Variants in GSE1 observed in about 807,000 individuals in gnomAD.
GSE1 encodes genetic suppressor element 1.
GSE1 carries 32 observed loss-of-function variants against 112.6 expected under a neutral mutation model. The ratio of observed to expected loss-of-function variants is 0.28; its 90% confidence interval spans 0.21 to 0.38. GSE1 has a LOEUF of 0.38. GSE1 is among the 10% of genes least tolerant of loss of function. The pLI is 1.00. For missense variants in GSE1, 2,348 were observed against 1,699.2 expected (o/e 1.38, Z -6.71); for synonymous variants, 1,115 against 735.6 (o/e 1.52, Z -8.35).
At chr16:85,367,642 C>T (rs968723428) in intron 2 of GSE1, among the ~76,000 whole-genome samples, 8 of 152,302 alleles carry the variant, frequency 5.3e-5, no homozygotes, top group South Asian at 2.1e-4. Context: ...GCAAGGGCCC[C>T]GGGGCAGCCA....
chr16:85,472,764 A>G (rs373826661), intron 2 of GSE1, among the ~76,000 whole-genome samples: 2 of 152,240 alleles, frequency 1.3e-5, no homozygotes, highest in Non-Finnish European at 1.5e-5. Context: ...GGCTAAGGAC[A>G]AGATCCGGGA....
intron 1 of GSE1, among the ~76,000 whole-genome samples, chr16:85,301,863 T>C (rs2045536172): frequency 6.6e-6 from 1 of 152,222 alleles, no homozygotes; most frequent in Non-Finnish European, 1.5e-5. Flanking sequence ...CCCGTGACCT[T>C]GTCCCCATTC....
chr16:85,640,437 G>C (rs1294540531), intron 2 of GSE1, among the ~76,000 whole-genome samples: 3 of 152,248 alleles, frequency 2.0e-5, no homozygotes, highest in African/African-American at 7.2e-5. Context: ...TTGTCATCGA[G>C]GCCCGCGGGG....
Position 85,488,854 on chromosome 16 carries a change from C to T in GSE1, c.2464+131211C>T, listed in dbSNP as rs1005966332. On this transcript the variant is annotated intron_variant, in intron 2 of 2. Transcript: ENST00000637419. ...GTGGGTGATTTCCTGGACAGTGTGG[C>T]CAGAGAGGGAAGGTGAAACAGCAGA... Among the ~76,000 whole-genome samples, 37 of 151,938 alleles carry T rather than the reference C, an allele frequency of 2.4e-4. 1 individual carries two copies. Among genetic ancestry groups the T allele is most frequent in the Non-Finnish European group, 2.9e-5 (2 of 67,968 alleles).
chr16:85,357,260 G>A (rs771569273), intron 1 of GSE1, among the ~76,000 whole-genome samples: 1 of 152,216 alleles, frequency 6.6e-6, no homozygotes, highest in Non-Finnish European at 1.5e-5. Context: ...CCTAGGCTGG[G>A]CTTGCTGGGC....
At chr16:85,571,591 C>T (rs1173204274) in intron 1 of GSE1, among the ~76,000 whole-genome samples, 1 of 152,226 alleles carries the variant, frequency 6.6e-6, no homozygotes. Flanking sequence ...CGGGGAGGCT[C>T]TTGAGAGCCT....
intron 1 of GSE1, among the ~76,000 whole-genome samples, chr16:85,576,112 T>C (rs141529743): frequency 8.9e-4 from 136 of 152,354 alleles, no homozygotes; most frequent in African/African-American, 3.0e-3. Flanking sequence ...CCCTTTGATT[T>C]ATCTGATCTC....
chr16:85,304,245 C>G (rs1373477517), intron 1 of GSE1, among the ~76,000 whole-genome samples: 1 of 152,238 alleles, frequency 6.6e-6, no homozygotes, highest in Non-Finnish European at 1.5e-5. Flanking sequence ...AGGAAGGGAT[C>G]GATCACTCGG....
chr16:85,196,981 C>T (rs967680766), intron 1 of GSE1, among the ~76,000 whole-genome samples: 1 of 152,164 alleles, frequency 6.6e-6, no homozygotes, highest in African/African-American at 2.4e-5. Context: ...AGTCTGGAGA[C>T]CCCGGTATGG....
rs2152037410 is a variant in GSE1, at chr16:85,673,597, C to CCT, written c.*1059_*1060dup. The CCT allele has an allele frequency of 6.6e-6, 1 of 152,242 alleles. No homozygotes were observed. Among genetic ancestry groups the CCT allele is most frequent in the South Asian group, 2.1e-4 (1 of 4,816 alleles). 9.4% of individuals were successfully genotyped at this position (152,242 alleles called of 1,614,324 possible). On this transcript the variant is annotated 3_prime_UTR_variant, in exon 16 of 16. Coordinates refer to ENST00000253458, the MANE Select transcript of GSE1 (RefSeq NM_014615.5). ...AAAGTAAAAGAGCTTACCACTGGCGCCTATGCGATCACTTCATTTTTAGTT... is the reference window on the plus strand; with the variant it reads ...AAAGTAAAAGAGCTTACCACTGGCGCCTCTATGCGATCACTTCATTTTTAGTT...
chr16:85,495,004 C>T (rs1431963027), intron 2 of GSE1, among the ~76,000 whole-genome samples: 7 of 72,954 alleles, frequency 9.6e-5, no homozygotes, highest in Non-Finnish European at 2.8e-4. Flanking sequence ...GGGGCAGAGC[C>T]CTGCTGGGTC....
At chr16:85,627,196 G>T (rs969032114) in intron 1 of GSE1, among the ~76,000 whole-genome samples, 1 of 149,610 alleles carries the variant, frequency 6.7e-6, no homozygotes. Flanking sequence ...CCCGGGGGCG[G>T]TGGTCTTTGC....
At chr16:85,411,346 CT>C (rs869078785) in intron 2 of GSE1, among the ~76,000 whole-genome samples, 1 of 19,794 alleles carries the variant, frequency 5.1e-5, no homozygotes. Flanking sequence ...CAGGGCCCCC[CT>C]GGATAATCCT....
At chr16:85,482,983 A>AC (rs144014707) in intron 2 of GSE1, among the ~76,000 whole-genome samples, 20 of 148,736 alleles carry the variant, frequency 1.3e-4, no homozygotes, top group African/African-American at 4.9e-4. Flanking sequence ...GTCTCAAAAA[A>AC]AAAAAAAAAA....
rs1206041176 is a variant in GSE1, at chr16:85,673,413, T to C, written c.*874T>C. 4 of 152,270 alleles carry C rather than the reference T, an allele frequency of 2.6e-5. No homozygotes were observed. Among genetic ancestry groups the C allele is most frequent in the African/African-American group, 9.7e-5 (4 of 41,336 alleles). The allele number at this position is 152,270 out of a possible 1,614,324, so 9.4% of individuals were successfully genotyped here. ...AAAGCCTGCCATTTTTAATATGTGGTTTGGGGGATTTTTGTTTGTTTTTCC... is the reference window on the plus strand; with the variant it reads ...AAAGCCTGCCATTTTTAATATGTGGCTTGGGGGATTTTTGTTTGTTTTTCC... On this transcript the variant is annotated 3_prime_UTR_variant, in exon 16 of 16. Coordinates refer to ENST00000253458, the MANE Select transcript of GSE1 (RefSeq NM_014615.5).
At chr16:85,437,871 G>C (rs2049287940) in intron 2 of GSE1, among the ~76,000 whole-genome samples, 1 of 152,180 alleles carries the variant, frequency 6.6e-6, no homozygotes, top group South Asian at 2.1e-4. Flanking sequence ...GTGGTGTCAG[G>C]CATGTTGCTG....
chr16:85,606,748 T>G (rs2047719397), upstream of GSE1, among the ~76,000 whole-genome samples: 1 of 152,186 alleles, frequency 6.6e-6, no homozygotes, highest in Admixed American at 6.5e-5. Context: ...CACTTAGACT[T>G]GGCCAGGGCC....
At position 85,197,058 on chromosome 16, in the gene GSE1, G is replaced by A. The variant is rs577090844; in HGVS notation, c.2283+25251G>A. Among the ~76,000 whole-genome samples the A allele has an allele frequency of 5.3e-5, 8 of 152,270 alleles. No individual in the cohort carries two copies. In the South Asian group the frequency reaches 8.3e-4, roughly 16 times the overall value. On this transcript the variant is annotated intron_variant, in intron 1 of 2. Coordinates refer to the GSE1 transcript ENST00000637419. ...TTCTGCGTTTCCTGTGGGGTCAGAC[G>A]AGGGGTTGGATGTGATTGATTTATC...
At chr16:85,634,155 G>T in intron 2 of GSE1, 23 bp downstream of exon 2, 2 of 1,400,722 alleles carry the variant, frequency 1.4e-6, no homozygotes, top group Non-Finnish European at 9.3e-7. Context: ...GCCAGGCTGC[G>T]CGTGGGGGGA....
Sources: allele counts gnomAD v4.1 joint callset (sites outside exome capture counted in the v4.1 genomes callset), GRCh38; gene constraint gnomAD v4.1.1; transcripts MANE v1.5; gene names NCBI Gene and HGNC (gene_info 2026-07-23, HGNC 2026-07-21).